Variants in B4GALNT3 observed in about 807,000 individuals in gnomAD.
B4GALNT3 encodes beta-1,4-N-acetylgalactosaminyltransferase 3.
Under a neutral mutation model 120.2 loss-of-function variants are expected in B4GALNT3, and 86 were observed. The observed-to-expected ratio is 0.72, with a 90% CI of 0.60 to 0.86. The LOEUF (loss-of-function observed/expected upper bound fraction) is 0.86. Among genes scored for constraint, B4GALNT3 ranks in the 40% least tolerant of loss-of-function variants. B4GALNT3 has a pLI of 0.00. For missense variants in B4GALNT3, 1,167 were observed against 1,298.9 expected (o/e 0.90, Z 1.56); for synonymous variants, 518 against 510.4 (o/e 1.01, Z -0.20).
In B4GALNT3 at chr12:536,641, C is replaced by T. The variant is rs373834354; in HGVS notation, c.351+346C>T. 1.8e-4 allele frequency among the ~76,000 whole-genome samples: 27 copies of T among 152,298 alleles called. No homozygotes were observed. In the East Asian group the frequency reaches 4.4e-3, roughly 25 times the overall value. ...GGGATTACAGGTGGGCATTACTACA[C>T]CTAGTTTAGTGATTTCATGAAAATT... On this transcript the variant is annotated intron_variant, in intron 3 of 19. Coordinates refer to ENST00000266383, the MANE Select transcript of B4GALNT3 (RefSeq NM_173593.4).
chr12:554,100 C>T (rs1947117196), intron 14 of B4GALNT3, 117 bp downstream of exon 14: 1 of 710,970 alleles, frequency 1.4e-6, no homozygotes. Flanking sequence ...ATAGCTGGAA[C>T]TTTGCCCCCG....
intron 1 of B4GALNT3, among the ~76,000 whole-genome samples, chr12:488,076 C>A (rs879636131): frequency 2.0e-5 from 3 of 151,520 alleles, no homozygotes; most frequent in Non-Finnish European, 4.4e-5. Context: ...TGGTGACTCA[C>A]GTATGTAATC....
chr12:522,886 G>A (rs1438006213), intron 1 of B4GALNT3, among the ~76,000 whole-genome samples: 12 of 144,072 alleles, frequency 8.3e-5, no homozygotes, highest in South Asian at 2.2e-4. Flanking sequence ...GCAGTGAGCC[G>A]AGATTGCACC....
At chr12:503,531 C>T (rs1228328524) in intron 1 of B4GALNT3, among the ~76,000 whole-genome samples, 2 of 152,210 alleles carry the variant, frequency 1.3e-5, no homozygotes, top group Non-Finnish European at 2.9e-5. Context: ...CTGCTCACGC[C>T]TCTTTGCTGT....
Position 529,469 on chromosome 12 carries a change from G to C in B4GALNT3, c.170-5697G>C, listed in dbSNP as rs7974127. Among the ~76,000 whole-genome samples, 734 of 152,330 alleles carry C rather than the reference G, an allele frequency of 4.8e-3. 4 individuals are homozygous for C. Among genetic ancestry groups the C allele is most frequent in the African/African-American group, 0.017 (707 of 41,574 alleles). ...CCACACGAGCAAGCAGTAAGATGTG[G>C]AGTGATGGGTGAGGTGAATCTAACT... On this transcript the variant is annotated intron_variant, in intron 1 of 19. Transcript: ENST00000266383.
At chr12:527,518 G>A (rs1345432134) in intron 1 of B4GALNT3, among the ~76,000 whole-genome samples, 3 of 152,244 alleles carry the variant, frequency 2.0e-5, no homozygotes, top group South Asian at 2.1e-4. Flanking sequence ...TGCCCTGGCC[G>A]TGAGCATCAG....
At chr12:520,837 C>G (rs1168449605) in intron 1 of B4GALNT3, among the ~76,000 whole-genome samples, 2 of 152,214 alleles carry the variant, frequency 1.3e-5, no homozygotes, top group African/African-American at 4.8e-5. Context: ...TTCAAAGGCT[C>G]TGACTGTTTT....
At chr12:555,248 C>A in intron 14 of B4GALNT3, 1 of 414,512 alleles carries the variant, frequency 2.4e-6, no homozygotes. Flanking sequence ...ATTCCTCCTC[C>A]TACCCCCAGT....
intron 1 of B4GALNT3, among the ~76,000 whole-genome samples, chr12:497,466 A>G (rs1437548941): frequency 6.6e-6 from 1 of 152,242 alleles, no homozygotes; most frequent in Non-Finnish European, 1.5e-5. Flanking sequence ...TTAAGGCTGA[A>G]TCATATTCCA....
chr12:559,879 G>T (rs1485334431), intron 19 of B4GALNT3, among the ~76,000 whole-genome samples: 1 of 152,142 alleles, frequency 6.6e-6, no homozygotes, highest in African/African-American at 2.4e-5. Flanking sequence ...AGACAGTGTA[G>T]ACCACTGAAG....
intron 1 of B4GALNT3, among the ~76,000 whole-genome samples, chr12:485,961 AGCAGAAACCTCT>A (rs1946286605): frequency 6.6e-6 from 1 of 152,170 alleles, no homozygotes; most frequent in Admixed American, 6.5e-5. Flanking sequence ...GAAATCCATG[AGCAGAAACCTCT>A]GCAGAAACCA....
At chr12:509,472 G>A (rs76241792) in intron 1 of B4GALNT3, among the ~76,000 whole-genome samples, 5,092 of 152,242 alleles carry the variant, frequency 0.033, 169 homozygotes, top group African/African-American at 0.078. Context: ...CCCGGATACG[G>A]AATAGGAGAA....
At chr12:501,847 C>T (rs754419508) in intron 1 of B4GALNT3, among the ~76,000 whole-genome samples, 1 of 152,204 alleles carries the variant, frequency 6.6e-6, no homozygotes, top group South Asian at 2.1e-4. Context: ...GTTCTCTTGT[C>T]GGTCATCTCT....
At chr12:508,011 A>G (rs1341045618) in intron 1 of B4GALNT3, among the ~76,000 whole-genome samples, 1 of 152,222 alleles carries the variant, frequency 6.6e-6, no homozygotes, top group East Asian at 1.9e-4. Context: ...GTGCTTGAGT[A>G]GAGCGTTGAT....
intron 1 of B4GALNT3, among the ~76,000 whole-genome samples, chr12:520,896 C>G (rs1340079205): frequency 6.6e-6 from 1 of 152,222 alleles, no homozygotes; most frequent in Non-Finnish European, 1.5e-5. Context: ...TGCATGGGAA[C>G]TCACTTTTCC....
At chr12:491,090 G>C (rs758001580) in intron 1 of B4GALNT3, among the ~76,000 whole-genome samples, 2 of 152,118 alleles carry the variant, frequency 1.3e-5, no homozygotes, top group African/African-American at 4.8e-5. Context: ...GAAAATTACA[G>C]ATTAATATCT....
intron 19 of B4GALNT3, among the ~76,000 whole-genome samples, chr12:560,314 A>G (rs1171575019): frequency 6.6e-6 from 1 of 152,276 alleles, no homozygotes; most frequent in South Asian, 2.1e-4. Context: ...GAGAGGCAGG[A>G]CAAAATGCAT....
At chr12:465,137 C>T (rs1592006600) in intron 1 of B4GALNT3, among the ~76,000 whole-genome samples, 1 of 152,186 alleles carries the variant, frequency 6.6e-6, no homozygotes, top group African/African-American at 2.4e-5. Flanking sequence ...GACTGTGTCT[C>T]ATGCAGCTCT....
chr12:495,251 T>G (rs1946377648), intron 1 of B4GALNT3, among the ~76,000 whole-genome samples: 1 of 152,206 alleles, frequency 6.6e-6, no homozygotes, highest in African/African-American at 2.4e-5. Context: ...ATGCTCCTAG[T>G]CACCTCAGGT....
Sources: gnomAD v4.1 joint callset for allele counts (sites outside exome capture counted in the v4.1 genomes callset) on GRCh38, gnomAD v4.1.1 for gene constraint, MANE v1.5 for transcripts, NCBI Gene and HGNC (gene_info 2026-07-23, HGNC 2026-07-21) for gene names.